CRK: variants seen among roughly 807,000 people sequenced by gnomAD.
CRK encodes adapter molecule crk.
Under a neutral mutation model 29.8 loss-of-function variants are expected in CRK, and 4 were observed. That is an observed-to-expected ratio of 0.13 (90% confidence interval 0.07 to 0.31). The LOEUF (loss-of-function observed/expected upper bound fraction) is 0.31, where lower values mean the gene tolerates loss of function less well. CRK is among the 10% of genes least tolerant of loss of function. The probability of loss-of-function intolerance (pLI) is 1.00; values close to 1 mark genes in which losing one functional copy is unlikely to be tolerated. For synonymous variants in CRK, 153 were observed against 164.9 expected, an observed-to-expected ratio of 0.93 and a Z score of 0.55; for missense variants, 274 against 396.5, an observed-to-expected ratio of 0.69 and a Z score of 2.62.
intron 2 of CRK, chr17:1,426,563 T>G (rs2073780833): frequency 6.6e-6 from 1 of 152,092 alleles, no homozygotes; most frequent in African/African-American, 2.4e-5. Context: ...AAACCTCATT[T>G]CTACAAAAAA....
chr17:1,435,895 A>G (rs955074246), intron 2 of CRK, among the ~76,000 whole-genome samples: 5 of 152,122 alleles, frequency 3.3e-5, no homozygotes, highest in African/African-American at 7.2e-5. Context: ...AAGGAAGAAG[A>G]AAGGAAGGAG....
At chr17:1,423,713 A>G in intron 2 of CRK, 63 bp from the exon 3 acceptor site, 1 of 1,595,926 alleles carries the variant, frequency 6.3e-7, no homozygotes, top group Non-Finnish European at 8.6e-7. Context: ...GAACAACTCC[A>G]TTCTCTGGTT....
chr17:1,439,015 G>A (rs1163109900), intron 1 of CRK, among the ~76,000 whole-genome samples: 1 of 150,328 alleles, frequency 6.7e-6, no homozygotes, highest in African/African-American at 2.5e-5. Context: ...TGTATTTTTT[G>A]TAGAGATGGG....
rs1192099282 is a variant in CRK at position 1,422,903 on chromosome 17, A to C, written c.*610T>G. On this transcript the variant is annotated 3_prime_UTR_variant, in exon 3 of 3. Transcript: ENST00000300574. The stretch of plus-strand genomic sequence containing the variant: ...CTACTTACAGGTTTGGGGGACAAGA[A>C]TGTCAAGGGCTAAAAGAATCCCAAG... 2 of 398,876 alleles carry C rather than the reference A, an allele frequency of 5.0e-6. No individual in the cohort carries two copies. Among genetic ancestry groups the C allele is most frequent in the Non-Finnish European group, 8.8e-6 (2 of 226,104 alleles). 24.7% of individuals were successfully genotyped at this position (398,876 alleles called of 1,614,324 possible). A position where few individuals can be genotyped will look rare whatever the true frequency, so the allele number is the denominator to read the frequency against.
chr17:1,455,805 G>T, intron 1 of CRK, 72 bp downstream of exon 1: 1 of 1,411,768 alleles, frequency 7.1e-7, no homozygotes, highest in South Asian at 1.5e-5. Context: ...CGCTCTCGAG[G>T]ACCAGCCAGC....
chr17:1,431,648 C>T (rs769274552), intron 2 of CRK, among the ~76,000 whole-genome samples: 2 of 152,080 alleles, frequency 1.3e-5, no homozygotes, highest in Non-Finnish European at 2.9e-5. Context: ...ACTGCAGTAG[C>T]GCAATCATAG....
rs1279976408 is a variant in CRK, at chr17:1,423,495, A to G, written c.*18T>C. On this transcript the variant is annotated 3_prime_UTR_variant, in exon 3 of 3. Transcript: ENST00000300574. ...AAAAAGATTGTTCCCATCTGTCAGC[A>G]AAACTGTTGAACTATACTCAGCTGA... 6.3e-7 allele frequency: 1 copy of G among 1,590,480 alleles called. No individual in the cohort carries two copies. The highest frequency in any genetic ancestry group is 8.5e-7 in the Non-Finnish European group (1 of 1,170,026).
At chr17:1,426,709 A>G (rs1269282063) in intron 2 of CRK, among the ~76,000 whole-genome samples, 1 of 152,008 alleles carries the variant, frequency 6.6e-6, no homozygotes, top group Non-Finnish European at 1.5e-5. Context: ...ACTAAAATAC[A>G]AAAATTAGCC....
At chr17:1,431,067 AAAAC>A (rs11273899) in intron 2 of CRK, among the ~76,000 whole-genome samples, 2,618 of 150,664 alleles carry the variant, frequency 0.017, 49 homozygotes, top group African/African-American at 0.042. Flanking sequence ...ACTCCGTCTC[AAAAC>A]AAACAAACAA....
chr17:1,429,980 T>G (rs1012777236), intron 2 of CRK, among the ~76,000 whole-genome samples: 4 of 150,746 alleles, frequency 2.7e-5, no homozygotes, highest in Non-Finnish European at 4.4e-5. Context: ...TACAGATGAT[T>G]AGGTTTTTGG....
chr17:1,439,941 G>C (rs765088723), intron 1 of CRK, among the ~76,000 whole-genome samples: 29 of 151,958 alleles, frequency 1.9e-4, no homozygotes, highest in Non-Finnish European at 3.8e-4. Context: ...TCACTTAAGT[G>C]CAGGATTTTG....
chr17:1,446,624 C>T (rs1162386168), intron 1 of CRK, among the ~76,000 whole-genome samples: 5 of 138,832 alleles, frequency 3.6e-5, no homozygotes, highest in Admixed American at 1.7e-4. Flanking sequence ...CGGAGTCTCG[C>T]TCTTTCGCCT....
intron 2 of CRK, among the ~76,000 whole-genome samples, chr17:1,436,210 G>C (rs750253491): frequency 6.6e-6 from 1 of 152,088 alleles, no homozygotes; most frequent in Non-Finnish European, 1.5e-5. Context: ...GTTTTTGCGG[G>C]AAAATTCCAT....
At chr17:1,434,607 A>G (rs527479558) in intron 2 of CRK, among the ~76,000 whole-genome samples, 2 of 151,970 alleles carry the variant, frequency 1.3e-5, no homozygotes, top group African/African-American at 4.8e-5. Flanking sequence ...ACAAGGTGAA[A>G]CCCTGTCTCT....
At chr17:1,436,572 G>C (rs756264828) in intron 2 of CRK, 48 bp downstream of exon 2, 1 of 1,540,834 alleles carries the variant, frequency 6.5e-7, no homozygotes, top group Non-Finnish European at 8.7e-7. Context: ...GGACCGAGAG[G>C]AGACCCTGCA....
rs2073746450 is a variant in CRK, at chr17:1,423,391, G to A, written c.*122C>T. 1 of 1,224,698 alleles carries A rather than the reference G, an allele frequency of 8.2e-7. No homozygotes were observed. The highest frequency in any genetic ancestry group is 1.5e-5 in the South Asian group (1 of 64,904). The allele number at this position is 1,224,698 out of a possible 1,614,324, so 75.9% of individuals were successfully genotyped here. Reference sequence around the variant, plus strand: ...GCAGTTCAGTCTAAAAAATATCACAGGTAACAGAATGCTTATATAAACTAG... The same window carrying A: ...GCAGTTCAGTCTAAAAAATATCACAAGTAACAGAATGCTTATATAAACTAG... On this transcript the variant is annotated 3_prime_UTR_variant, in exon 3 of 3. Transcript: ENST00000300574.
At chr17:1,444,347 C>T (rs1347815286) in intron 1 of CRK, among the ~76,000 whole-genome samples, 1 of 152,092 alleles carries the variant, frequency 6.6e-6, no homozygotes, top group Non-Finnish European at 1.5e-5. Context: ...GGCTAACACA[C>T]AGTAAGAACC....
intron 1 of CRK, among the ~76,000 whole-genome samples, chr17:1,437,967 G>C (rs1568015056): frequency 6.6e-6 from 1 of 151,788 alleles, no homozygotes; most frequent in Non-Finnish European, 1.5e-5. Context: ...CGCCTGGCCT[G>C]CATCTACTTT....
At chr17:1,449,179 G>C (rs533884961) in intron 1 of CRK, among the ~76,000 whole-genome samples, 9 of 151,990 alleles carry the variant, frequency 5.9e-5, no homozygotes, top group Non-Finnish European at 1.3e-4. Flanking sequence ...ACCCACTAGC[G>C]CAACAGGTCG....
Sources: gnomAD v4.1 joint callset for allele counts (sites outside exome capture counted in the v4.1 genomes callset) on GRCh38, gnomAD v4.1.1 for gene constraint, MANE v1.5 for transcripts, NCBI Gene and HGNC (gene_info 2026-07-23, HGNC 2026-07-21) for gene names.